Variants in CDH13 observed in about 807,000 individuals in gnomAD.
CDH13 encodes the protein cadherin 13.
A neutral mutation model predicts 63.8 loss-of-function variants in CDH13; 24 were observed. The observed-to-expected ratio is 0.38, with a 90% CI of 0.27 to 0.53. The LOEUF (loss-of-function observed/expected upper bound fraction) is 0.53, where lower values mean the gene tolerates loss of function less well. Among genes scored for constraint, CDH13 ranks in the 20% least tolerant of loss-of-function variants. The pLI is 0.85. For missense variants in CDH13, 1,049 were observed against 903.1 expected (o/e 1.16, Z -2.07); for synonymous variants, 503 against 355.3 (o/e 1.42, Z -4.67).
chr16:82,917,334 G>C (rs1169147922), intron 2 of CDH13, among the ~76,000 whole-genome samples: 1 of 152,140 alleles, frequency 6.6e-6, no homozygotes. Context: ...TTTGGGGAAA[G>C]AACATTTCAA....
chr16:83,605,450 C>G (rs1754557551), intron 8 of CDH13, among the ~76,000 whole-genome samples: 2 of 152,134 alleles, frequency 1.3e-5, no homozygotes, highest in African/African-American at 4.8e-5. Context: ...GGCGCTGGAG[C>G]CGGAATTGGG....
chr16:83,677,752 C>T (rs535690133), intron 9 of CDH13, among the ~76,000 whole-genome samples: 217 of 152,204 alleles, frequency 1.4e-3, no homozygotes, highest in Middle Eastern at 3.4e-3. Flanking sequence ...GAGGATTGGG[C>T]GTTGGAGTCT....
At chr16:83,672,631 G>A (rs552459107) in intron 9 of CDH13, among the ~76,000 whole-genome samples, 18 of 151,760 alleles carry the variant, frequency 1.2e-4, no homozygotes, top group African/African-American at 4.4e-4. Flanking sequence ...CACCAGGTTG[G>A]CCAGGCTGGT....
At chr16:82,723,271 A>G (rs1015237068) in intron 1 of CDH13, among the ~76,000 whole-genome samples, 3 of 152,160 alleles carry the variant, frequency 2.0e-5, no homozygotes, top group African/African-American at 2.4e-5. Context: ...CTTGTATTTC[A>G]TCTGCTCTCA....
intron 6 of CDH13, among the ~76,000 whole-genome samples, chr16:83,360,195 C>G (rs2091135507): frequency 6.6e-6 from 1 of 152,192 alleles, no homozygotes; most frequent in Non-Finnish European, 1.5e-5. Context: ...TTAGCTTGTG[C>G]AGATGAATAT....
intron 4 of CDH13, among the ~76,000 whole-genome samples, chr16:83,151,541 G>A (rs966705080): frequency 2.6e-5 from 4 of 152,218 alleles, no homozygotes; most frequent in East Asian, 1.9e-4. Context: ...CCTAAAAGGC[G>A]GTGGATTTGG....
rs4577080 is a variant in CDH13, at chr16:82,644,284, C to G, written c.45+17147C>G. Among the ~76,000 whole-genome samples, 16,970 of 152,068 alleles carry G rather than the reference C, an allele frequency of 0.11. 1,224 individuals carry two copies. Among genetic ancestry groups the G allele is most frequent in the Non-Finnish European group, 0.17 (11,283 of 67,940 alleles). On this transcript the variant is annotated intron_variant, in intron 1 of 13. Coordinates refer to ENST00000567109, the MANE Select transcript of CDH13 (RefSeq NM_001257.5). This position sits in a 1 kb window ranked among gnomAD's most constrained non-coding sequence, Gnocchi z 5.7. ...GAAAGGAGCTCCCACTTCTTACATT[C>G]AGTGCTCATCACTCTGCAAATCAAG...
At chr16:83,541,999 AG>A (rs2075304310) in intron 7 of CDH13, among the ~76,000 whole-genome samples, 1 of 152,254 alleles carries the variant, frequency 6.6e-6, no homozygotes, top group Non-Finnish European at 1.5e-5. Flanking sequence ...TATTGCTATT[AG>A]TATTAATGTG....
chr16:83,207,200 A>G (rs1337240540), intron 4 of CDH13, among the ~76,000 whole-genome samples: 1 of 152,216 alleles, frequency 6.6e-6, no homozygotes, highest in Non-Finnish European at 1.5e-5. Context: ...GAACGTTTTC[A>G]TCTTCCTCAC....
intron 7 of CDH13, among the ~76,000 whole-genome samples, chr16:83,515,662 A>G (rs191664362): frequency 1.8e-3 from 279 of 152,336 alleles, no homozygotes; most frequent in African/African-American, 6.7e-3. Context: ...GTCACAACAG[A>G]GATGTTACCA....
At chr16:83,671,109 A>G in intron 9 of CDH13, 137 bp downstream of exon 9, 2 of 753,076 alleles carry the variant, frequency 2.7e-6, no homozygotes, top group Non-Finnish European at 2.2e-6. Flanking sequence ...AACAAAGGAA[A>G]AGGCTCATGG....
intron 7 of CDH13, among the ~76,000 whole-genome samples, chr16:83,586,554 G>C (rs887431819): frequency 1.3e-5 from 2 of 152,200 alleles, no homozygotes; most frequent in African/African-American, 2.4e-5. Context: ...CATCTGACTT[G>C]TTGTTCCTTG....
intron 2 of CDH13, among the ~76,000 whole-genome samples, chr16:82,862,729 T>C (rs1246766816): frequency 2.6e-5 from 4 of 152,242 alleles, no homozygotes; most frequent in Middle Eastern, 3.2e-3. Context: ...CAGGCTAGGC[T>C]AGGCCATGGT....
At chr16:82,832,179 C>T (rs555684260) in intron 1 of CDH13, among the ~76,000 whole-genome samples, 7 of 152,178 alleles carry the variant, frequency 4.6e-5, no homozygotes, top group African/African-American at 9.6e-5. Flanking sequence ...ACATTTTTCA[C>T]GTATTGAAAA....
chr16:82,812,847 T>C (rs79856895), intron 1 of CDH13, among the ~76,000 whole-genome samples: 2 of 99,464 alleles, frequency 2.0e-5, no homozygotes, highest in African/African-American at 5.2e-5. Context: ...TCCTCCCTTC[T>C]TTCCTCCCTT....
chr16:83,396,392 T>C (rs1445834658), intron 6 of CDH13, among the ~76,000 whole-genome samples: 1 of 152,228 alleles, frequency 6.6e-6, no homozygotes, highest in East Asian at 1.9e-4. Context: ...GATCTTTATA[T>C]GCCATGTGTC....
chr16:83,446,400 T>C (rs1199287717), intron 6 of CDH13, among the ~76,000 whole-genome samples: 1 of 152,164 alleles, frequency 6.6e-6, no homozygotes, highest in Non-Finnish European at 1.5e-5. Flanking sequence ...CAGCTGAGCC[T>C]TTTTAAAAAA....
At chr16:83,220,100 G>C (rs906565557) in intron 5 of CDH13, among the ~76,000 whole-genome samples, 1 of 152,162 alleles carries the variant, frequency 6.6e-6, no homozygotes, top group Non-Finnish European at 1.5e-5. Context: ...TCTTCAATGG[G>C]CTCATGAGGG....
At chr16:83,426,025 G>A (rs1051713112) in intron 6 of CDH13, among the ~76,000 whole-genome samples, 1 of 152,160 alleles carries the variant, frequency 6.6e-6, no homozygotes, top group Admixed American at 6.5e-5. Context: ...TTTAAGTGGA[G>A]GTGGTCCTTT....
Sources: gnomAD v4.1 joint callset for allele counts (sites outside exome capture counted in the v4.1 genomes callset) on GRCh38, gnomAD v4.1.1 for gene constraint, Gnocchi (gnomAD v3.1) non-coding constraint, MANE v1.5 for transcripts, NCBI Gene and HGNC (gene_info 2026-07-23, HGNC 2026-07-21) for gene names.